Variants in TNC observed in about 807,000 individuals in gnomAD.
TNC encodes the protein tenascin.
Under a neutral mutation model 202.4 loss-of-function variants are expected in TNC, and 109 were observed. That is an observed-to-expected ratio of 0.54 (90% CI 0.46 to 0.63). The LOEUF is 0.63. Among genes scored for constraint, TNC ranks in the 30% least tolerant of loss-of-function variants. The probability of loss-of-function intolerance (pLI) is 0.00; values close to 1 mark genes in which losing one functional copy is unlikely to be tolerated. For missense variants in TNC, 2,756 were observed against 2,833.3 expected, an observed-to-expected ratio of 0.97 and a Z score of 0.62; for synonymous variants, 1,007 against 1,089.7, an observed-to-expected ratio of 0.92 and a Z score of 1.50.
At chr9:115,057,515 A>G in intron 14 of TNC, 90 bp from the exon 15 acceptor site, 2 of 1,309,806 alleles carry the variant, frequency 1.5e-6, no homozygotes, top group Non-Finnish European at 2.1e-6. Context: ...TAATAGAACC[A>G]TTGCTGGGTA....
chr9:115,031,064 A>G (rs1445574612), intron 23 of TNC, among the ~76,000 whole-genome samples: 1 of 152,174 alleles, frequency 6.6e-6, no homozygotes, highest in Non-Finnish European at 1.5e-5. Flanking sequence ...TGGGAAGATC[A>G]TTTGTGATTT....
At chr9:115,028,375 A>G (rs977523873) in intron 25 of TNC, among the ~76,000 whole-genome samples, 1 of 152,156 alleles carries the variant, frequency 6.6e-6, no homozygotes, top group African/African-American at 2.4e-5. Context: ...GTGGCAATTG[A>G]GTACTTTGTA....
intron 2 of TNC, among the ~76,000 whole-genome samples, chr9:115,087,649 G>A (rs1232561336): frequency 1.3e-5 from 2 of 151,190 alleles, no homozygotes; most frequent in African/African-American, 4.9e-5. Context: ...ATGAGTCACT[G>A]CCTTGTGAAA....
chr9:115,099,338 G>A (rs1388867038), intron 1 of TNC, among the ~76,000 whole-genome samples: 3 of 152,194 alleles, frequency 2.0e-5, no homozygotes, highest in Non-Finnish European at 4.4e-5. Flanking sequence ...AAGCAGACAT[G>A]TAAACAGATA....
rs536872906 is a variant in TNC at position 115,062,981 on chromosome 9, T to C, written c.3969A>G (p.Thr1323=). The C allele has an allele frequency of 6.2e-7, 1 of 1,613,948 alleles. No individual in the cohort carries two copies. The highest frequency in any genetic ancestry group is 1.7e-5 in the Admixed American group (1 of 59,984). ...CCCTGACCTCGCCGTGCAGGGTGAC[T>C]GTGTAAGGAGTGCCAGCCCTGAGGC... ...IPGLRAGTPY[T]VTLHGEVRGH... Residue 1323 remains threonine (T), a synonymous_variant, in exon 13 of 28, where the codon ACA becomes ACG. Coordinates refer to ENST00000350763, the MANE Select transcript of TNC (RefSeq NM_002160.4).
intron 10 of TNC, among the ~76,000 whole-genome samples, chr9:115,065,817 G>A (rs373232213): frequency 6.7e-6 from 1 of 149,234 alleles, no homozygotes; most frequent in Admixed American, 6.8e-5. Context: ...TAGGAGAATC[G>A]CTTGAGCCCT....
intron 15 of TNC, among the ~76,000 whole-genome samples, chr9:115,049,006 T>C (rs1211658275): frequency 1.3e-5 from 2 of 152,136 alleles, no homozygotes; most frequent in Non-Finnish European, 2.9e-5. Context: ...AGTGCACAGT[T>C]TGAATCAAAT....
chr9:115,097,821 A>G (rs1285269698), intron 1 of TNC, among the ~76,000 whole-genome samples: 2 of 152,214 alleles, frequency 1.3e-5, no homozygotes, highest in South Asian at 2.1e-4. Context: ...AAAATAATGC[A>G]TAGGAAAGCA....
chr9:115,042,091 G>T lies in TNC; in HGVS notation c.5248+128C>A, dbSNP rs931162307. ...AAATGAGTTCTCTTCTCTCCAGATGGTCTCACAAATAAAGAATTCATTTTC... is the reference window on the plus strand; with the variant it reads ...AAATGAGTTCTCTTCTCTCCAGATGTTCTCACAAATAAAGAATTCATTTTC... On this transcript the variant is annotated intron_variant, in intron 18 of 27. Coordinates refer to ENST00000350763, the MANE Select transcript of TNC (RefSeq NM_002160.4). The T allele has an allele frequency of 3.6e-6, 5 of 1,388,336 alleles. No individual in the cohort carries two copies. The African/African-American group carries it at 7.2e-5, about 20-fold the overall frequency. 86.0% of individuals were successfully genotyped at this position (1,388,336 alleles called of 1,614,324 possible). A position where few individuals can be genotyped will look rare whatever the true frequency, so the allele number is the denominator to read the frequency against.
At chr9:115,068,918 C>T (rs978488285) in intron 10 of TNC, among the ~76,000 whole-genome samples, 1 of 152,142 alleles carries the variant, frequency 6.6e-6, no homozygotes, top group Non-Finnish European at 1.5e-5. Context: ...TCTGTATGCT[C>T]CTGCAGCCTC....
chr9:115,058,385 C>T (rs562551960), intron 14 of TNC, among the ~76,000 whole-genome samples: 1 of 152,150 alleles, frequency 6.6e-6, no homozygotes, highest in Admixed American at 6.5e-5. Flanking sequence ...TCATCAGTGG[C>T]AAGAATGTTG....
At chr9:115,109,074 C>T (rs1390706667) in intron 1 of TNC, among the ~76,000 whole-genome samples, 1 of 152,168 alleles carries the variant, frequency 6.6e-6, no homozygotes, top group Non-Finnish European at 1.5e-5. Context: ...TGTGCATTTC[C>T]AAGAACAGAA....
rs974226732 is a variant in TNC at position 115,057,549 on chromosome 9, A to G, written c.4307-124T>C. The G allele has an allele frequency of 1.3e-5, 14 of 1,050,004 alleles. 1 individual carries two copies. In the South Asian group the frequency reaches 1.6e-4, roughly 12 times the overall value. The allele number at this position is 1,050,004 out of a possible 1,614,324, so 65.0% of individuals were successfully genotyped here. ...TAGAGAGATCTGATAATTCAGGGCT[A>G]TGATGGAAGGAAGCAATGTTACCAA... On this transcript the variant is annotated intron_variant, in intron 14 of 27. Transcript: ENST00000350763.
chr9:115,035,307 G>T lies in TNC; in HGVS notation c.5684C>A (p.Ala1895Asp). ...TDLDSPRDLTATEVQSETALL... is the reference protein window; with the variant it reads ...TDLDSPRDLTDTEVQSETALL... ...GGCAGTTTCCGACTGAACCTCAGTA[G>T]CAGTCAAGTCTCTTGGAGAATCGAG... is the stretch of plus-strand genomic sequence containing the variant. Residue 1895 changes from alanine to aspartate, a missense_variant, in exon 22 of 28, where the codon GCT becomes GAT. Coordinates refer to ENST00000350763, the MANE Select transcript of TNC (RefSeq NM_002160.4). 1 of 1,613,444 alleles carries T rather than the reference G, an allele frequency of 6.2e-7. No individual in the cohort carries two copies. The highest frequency in any genetic ancestry group is 8.5e-7 in the Non-Finnish European group (1 of 1,179,706).
intron 2 of TNC, among the ~76,000 whole-genome samples, chr9:115,088,086 T>C (rs1834936075): frequency 6.6e-6 from 1 of 152,198 alleles, no homozygotes; most frequent in African/African-American, 2.4e-5. Flanking sequence ...TGAATGTAAT[T>C]CTGACTTTTT....
chr9:115,037,222 G>C (rs1830398824), intron 20 of TNC, among the ~76,000 whole-genome samples: 2 of 152,118 alleles, frequency 1.3e-5, no homozygotes, highest in African/African-American at 2.4e-5. Flanking sequence ...GAGGCTCCAG[G>C]CACAGACGCT....
intron 13 of TNC, among the ~76,000 whole-genome samples, chr9:115,061,102 TTGAAGGC>T (rs1448555424): frequency 6.6e-6 from 1 of 152,154 alleles, no homozygotes; most frequent in Non-Finnish European, 1.5e-5. Flanking sequence ...AGCCACTGTT[TTGAAGGC>T]TGAAGTGGCC....
At position 115,076,530 on chromosome 9, in the gene TNC, T is replaced by C; in HGVS notation, c.2720A>G (p.Asn907Ser). The change falls in exon 8 of 28, where the codon AAC becomes AGC. Residue 907 changes from asparagine to serine, a missense_variant. Around this residue, in one of 2 missense-constraint regions of TNC, gnomAD observed 2,559 missense variants for 2,546.0 expected, o/e 1.01. Transcript: ENST00000350763. ...ATTCCTCCATTCCAGGGTGATGCTG[T>C]TATCTGTCTGGGAAACACGTCGAAG... ...RNLRRVSQTD[N>S]SITLEWRNGK... 1 of 1,614,234 alleles carries C rather than the reference T, an allele frequency of 6.2e-7. No homozygotes were observed. Among genetic ancestry groups the C allele is most frequent in the Non-Finnish European group, 8.5e-7 (1 of 1,180,048 alleles).
chr9:115,070,827 G>A (rs955450), intron 10 of TNC, among the ~76,000 whole-genome samples: 119,406 of 152,198 alleles, frequency 0.78, 47,449 homozygotes, highest in African/African-American at 0.92. Flanking sequence ...AAGAGCTCTC[G>A]CTTTTCCTGT....
Sources: gnomAD v4.1 joint callset for allele counts (sites outside exome capture counted in the v4.1 genomes callset) on GRCh38, gnomAD v4.1.1 for gene constraint, gnomAD v4.1.1 regional missense constraint, MANE v1.5 for transcripts, NCBI Gene and HGNC (gene_info 2026-07-23, HGNC 2026-07-21) for gene names.